Variants in PCCA observed in about 807,000 individuals in gnomAD.
The protein encoded by PCCA is propionyl-CoA carboxylase alpha chain, mitochondrial.
PCCA carries 74 observed loss-of-function variants against 101.3 expected under a neutral mutation model. The observed-to-expected ratio is 0.73, with a 90% CI of 0.61 to 0.89. PCCA has a LOEUF of 0.89. Among genes scored for constraint, PCCA ranks in the 40% least tolerant of loss-of-function variants. PCCA has a pLI of 0.00. For synonymous variants in PCCA, 294 were observed against 313.6 expected, an observed-to-expected ratio of 0.94 and a Z score of 0.66; for missense variants, 891 against 907.0, an observed-to-expected ratio of 0.98 and a Z score of 0.23.
chr13:100,161,793 C>A (rs191235244), intron 6 of PCCA, among the ~76,000 whole-genome samples: 4 of 152,112 alleles, frequency 2.6e-5, no homozygotes, highest in Non-Finnish European at 5.9e-5. Context: ...TTATATATCG[C>A]AGCTTAAGAA....
At chr13:100,374,640 C>T (rs1392202532) in intron 19 of PCCA, among the ~76,000 whole-genome samples, 1 of 152,112 alleles carries the variant, frequency 6.6e-6, no homozygotes, top group African/African-American at 2.4e-5. Flanking sequence ...AGAAGAGTGT[C>T]AGAGTAGTCC....
At chr13:100,287,042 CATTTT>C (rs2064731997) in intron 12 of PCCA, among the ~76,000 whole-genome samples, 1 of 151,938 alleles carries the variant, frequency 6.6e-6, no homozygotes, top group Non-Finnish European at 1.5e-5. Context: ...ATTTGGAATT[CATTTT>C]ATTTTATTTT....
intron 19 of PCCA, among the ~76,000 whole-genome samples, chr13:100,422,833 C>T (rs892753610): frequency 2.0e-5 from 3 of 151,504 alleles, no homozygotes; most frequent in East Asian, 1.9e-4. Context: ...ATAATCTCTT[C>T]TTTGAACCTT....
chr13:100,429,130 G>A (rs571061241), intron 20 of PCCA, among the ~76,000 whole-genome samples: 14 of 152,128 alleles, frequency 9.2e-5, no homozygotes, highest in South Asian at 2.1e-4. Flanking sequence ...ATCTGCAAGC[G>A]TGACAGGAGA....
At chr13:100,287,046 T>G (rs1184491239) in intron 12 of PCCA, among the ~76,000 whole-genome samples, 2 of 152,154 alleles carry the variant, frequency 1.3e-5, no homozygotes, top group Non-Finnish European at 2.9e-5. Flanking sequence ...GGAATTCATT[T>G]TATTTTATTT....
intron 10 of PCCA, among the ~76,000 whole-genome samples, chr13:100,263,269 A>C (rs2062650221): frequency 6.6e-6 from 1 of 152,160 alleles, no homozygotes; most frequent in Non-Finnish European, 1.5e-5. Flanking sequence ...GGCAAAACAA[A>C]ATGGGTTTTC....
chr13:100,401,128 G>A (rs761984852), intron 19 of PCCA, among the ~76,000 whole-genome samples: 2 of 151,880 alleles, frequency 1.3e-5, no homozygotes, highest in Non-Finnish European at 2.9e-5. Context: ...GAATTGACTT[G>A]ACGTGTTCCC....
Position 100,527,696 on chromosome 13 carries a change from T to A in PCCA, c.2062T>A (p.Cys688Ser). Residue 688 changes from cysteine (C) to serine (S), a missense_variant, in exon 23 of 24, where the codon TGT becomes AGT. Physicochemically the swap from Cys to Ser is moderately radical, Grantham distance 112 (BLOSUM62 -1). Transcript: ENST00000376285. ...CCAGGTAGCAGAAGGTCAAGAAATT[T>A]GTGTGATTGAAGCCATGAAAATGCA... Reference protein sequence around the residue: ...GDAVAEGQEICVIEAMKMQNS... With the variant: ...GDAVAEGQEISVIEAMKMQNS... 3 of 1,613,994 alleles carry A rather than the reference T, an allele frequency of 1.9e-6. No homozygotes were observed. The highest frequency in any genetic ancestry group is 1.1e-5 in the South Asian group (1 of 91,080).
intron 4 of PCCA, chr13:100,151,092 C>A: frequency 6.8e-7 from 1 of 1,478,558 alleles, no homozygotes; most frequent in Non-Finnish European, 9.4e-7. Flanking sequence ...TCGTATGCAC[C>A]CATCTTGGCT....
chr13:100,504,452 G>A (rs754848540), intron 21 of PCCA, among the ~76,000 whole-genome samples: 11 of 152,170 alleles, frequency 7.2e-5, no homozygotes, highest in Admixed American at 2.0e-4. Flanking sequence ...GCGTGTACGC[G>A]GGCGTGAGAG....
chr13:100,115,650 C>A (rs1268476108), intron 4 of PCCA, among the ~76,000 whole-genome samples: 1 of 152,102 alleles, frequency 6.6e-6, no homozygotes, highest in African/African-American at 2.4e-5. Context: ...ACATTACCGA[C>A]CAAGCTGTCA....
intron 7 of PCCA, among the ~76,000 whole-genome samples, chr13:100,214,377 T>C (rs1356369432): frequency 1.3e-5 from 2 of 152,072 alleles, no homozygotes; most frequent in Non-Finnish European, 2.9e-5. Flanking sequence ...TTTTGTGTCC[T>C]TTTCAATTTC....
chr13:100,277,200 T>A (rs1225146327), intron 12 of PCCA, among the ~76,000 whole-genome samples: 1 of 152,152 alleles, frequency 6.6e-6, no homozygotes, highest in Non-Finnish European at 1.5e-5. Context: ...TGCATTCCTT[T>A]ATGGTGCCCA....
intron 16 of PCCA, among the ~76,000 whole-genome samples, chr13:100,314,363 C>A (rs1393712567): frequency 6.6e-6 from 1 of 152,124 alleles, no homozygotes; most frequent in Non-Finnish European, 1.5e-5. Flanking sequence ...GTCCTCTGAT[C>A]CTTGTCCTTG....
At chr13:100,144,535 A>G (rs1244906232) in intron 4 of PCCA, among the ~76,000 whole-genome samples, 6 of 152,206 alleles carry the variant, frequency 3.9e-5, no homozygotes, top group African/African-American at 7.2e-5. Flanking sequence ...GATGCTTTTC[A>G]TGACAGTCTT....
chr13:100,433,719 A>G (rs2079727283), intron 20 of PCCA, among the ~76,000 whole-genome samples: 1 of 152,162 alleles, frequency 6.6e-6, no homozygotes, highest in Non-Finnish European at 1.5e-5. Flanking sequence ...AGAAACCTTT[A>G]CTAGTGCAGA....
chr13:100,181,660 T>G (rs974683262), intron 6 of PCCA, among the ~76,000 whole-genome samples: 1 of 152,072 alleles, frequency 6.6e-6, no homozygotes, highest in Admixed American at 6.5e-5. Flanking sequence ...TGGGCTCAAG[T>G]GATCCGCTTG....
chr13:100,248,264 A>T (rs950712054), intron 8 of PCCA, among the ~76,000 whole-genome samples: 1 of 151,214 alleles, frequency 6.6e-6, no homozygotes, highest in Non-Finnish European at 1.5e-5. Context: ...CATTCTTTGG[A>T]TTCTGTTTTC....
intron 2 of PCCA, among the ~76,000 whole-genome samples, chr13:100,111,338 T>C (rs1251759830): frequency 1.3e-5 from 2 of 151,034 alleles, no homozygotes; most frequent in African/African-American, 4.9e-5. Flanking sequence ...CCTTTTTGTA[T>C]TTTTAGTAGA....
Sources: gnomAD v4.1 joint callset for allele counts (sites outside exome capture counted in the v4.1 genomes callset) on GRCh38, gnomAD v4.1.1 for gene constraint, MANE v1.5 for transcripts, NCBI Gene and HGNC (gene_info 2026-07-23, HGNC 2026-07-21) for gene names.